Variants in FAM120B observed in about 807,000 individuals in gnomAD.
FAM120B encodes the protein constitutive coactivator of peroxisome proliferator-activated receptor gamma.
In FAM120B, 83 loss-of-function variants were observed where a neutral mutation model predicts 96.3. The observed-to-expected ratio is 0.86, with a 90% CI of 0.72 to 1.03. FAM120B has a LOEUF of 1.03. Ranked by LOEUF, FAM120B falls within the 50% of genes least tolerant of loss-of-function variation. The pLI is 0.00. For synonymous variants in FAM120B, 407 were observed against 402.7 expected (o/e 1.01, Z -0.13); for missense variants, 1,027 against 1,121.2 (o/e 0.92, Z 1.20).
At chr6:170,374,883 T>G (rs557350495) in intron 6 of FAM120B, among the ~76,000 whole-genome samples, 1 of 152,380 alleles carries the variant, frequency 6.6e-6, no homozygotes, top group East Asian at 1.9e-4. Flanking sequence ...GATGATAGTT[T>G]GGTGCCATCT....
chr6:170,356,974 A>G (rs1054356759), intron 5 of FAM120B, among the ~76,000 whole-genome samples: 7 of 152,190 alleles, frequency 4.6e-5, no homozygotes, highest in African/African-American at 1.7e-4. Flanking sequence ...AGGTCCAAGC[A>G]GCAGTCAGCA....
intron 1 of FAM120B, among the ~76,000 whole-genome samples, chr6:170,297,014 C>T (rs1039439709): frequency 7.9e-5 from 12 of 152,244 alleles, no homozygotes; most frequent in Non-Finnish European, 1.6e-4. Context: ...GTCAATCACC[C>T]ACGCTGGGCT....
chr6:170,309,313 T>C (rs962950135), intron 1 of FAM120B, among the ~76,000 whole-genome samples: 40 of 152,354 alleles, frequency 2.6e-4, no homozygotes, highest in African/African-American at 8.9e-4. Context: ...GTAGTAGTTT[T>C]AAATTTCCCT....
intron 6 of FAM120B, among the ~76,000 whole-genome samples, chr6:170,380,712 G>T (rs1173188612): frequency 6.6e-6 from 1 of 152,086 alleles, no homozygotes; most frequent in Non-Finnish European, 1.5e-5. Context: ...TTTTGCTGTC[G>T]AGTTGTGTGA....
At position 170,318,741 on chromosome 6, in the gene FAM120B, A is replaced by G. The variant is rs1463209217; in HGVS notation, c.1351A>G (p.Met451Val). ...CTCTGAACCCAGGCAAGAAGTTCCC[A>G]TGTATACAGGCTCTGAACCCAGGCA... ...TDSEPRQEVP[M>V]YTGSEPRQEV... The change falls in exon 2 of 11, where the codon ATG becomes GTG. Residue 451 changes from methionine to valine, a missense_variant. Met to Val is a conservative substitution (Grantham distance 21). Coordinates refer to ENST00000476287, the MANE Select transcript of FAM120B (RefSeq NM_032448.3). 6.3e-7 allele frequency: 1 copy of G among 1,593,804 alleles called. No homozygotes were observed. Among genetic ancestry groups the G allele is most frequent in the Admixed American group, 1.7e-5 (1 of 58,558 alleles).
At chr6:170,401,810 T>G (rs998520853) in intron 9 of FAM120B, among the ~76,000 whole-genome samples, 19 of 152,192 alleles carry the variant, frequency 1.2e-4, no homozygotes, top group African/African-American at 4.1e-4. Context: ...ATAATGCAGA[T>G]ATTCCAAAAT....
intron 8 of FAM120B, among the ~76,000 whole-genome samples, chr6:170,394,617 G>A (rs9460133): frequency 0.025 from 402 of 16,036 alleles, 79 homozygotes; most frequent in Middle Eastern, 0.05. Context: ...ATGCCAGCAC[G>A]AGGCCACGCC....
At chr6:170,316,224 T>A (rs1562517687) in intron 1 of FAM120B, among the ~76,000 whole-genome samples, 1 of 152,216 alleles carries the variant, frequency 6.6e-6, no homozygotes, top group Non-Finnish European at 1.5e-5. Flanking sequence ...GTTAAATGCC[T>A]ACCACTGTCT....
At chr6:170,364,880 G>A (rs1043090706) in intron 6 of FAM120B, among the ~76,000 whole-genome samples, 2 of 152,210 alleles carry the variant, frequency 1.3e-5, no homozygotes, top group Non-Finnish European at 2.9e-5. Context: ...AGATTGCAGT[G>A]GTGAGTGAGA....
chr6:170,358,369 C>G (rs571039714), intron 6 of FAM120B, 51 bp downstream of exon 6: 3 of 1,243,190 alleles, frequency 2.4e-6, no homozygotes, highest in East Asian at 4.9e-5. Flanking sequence ...GCTGTGCAGT[C>G]CAGCCTTCTC....
intron 9 of FAM120B, among the ~76,000 whole-genome samples, chr6:170,401,685 A>C (rs1192683814): frequency 6.6e-6 from 1 of 152,248 alleles, no homozygotes. Context: ...TCTGAGATCC[A>C]GAATGCTCCA....
rs1471947019 is a variant in FAM120B at position 170,404,843 on chromosome 6, G to C, written c.*92G>C. On this transcript the variant is annotated 3_prime_UTR_variant, in exon 11 of 11. Transcript: ENST00000476287. ...TCCTCTGCTGTTGCAGCTGCAAGGA[G>C]ACCATGCCTGTGGGAGCCAGGCCTC... 4.0e-6 allele frequency: 2 copies of C among 499,210 alleles called. No homozygotes were observed. The highest frequency in any genetic ancestry group is 7.1e-6 in the Non-Finnish European group (2 of 281,654). The allele number at this position is 499,210 out of a possible 1,614,324, so 30.9% of individuals were successfully genotyped here.
Position 170,317,590 on chromosome 6 carries a change from A to G in FAM120B, c.200A>G (p.Tyr67Cys). The change falls in exon 2 of 11, where the codon TAC (tyrosine) becomes TGC (cysteine). Residue 67 changes from tyrosine (Y) to cysteine (C), a missense_variant. Transcript: ENST00000476287. Reference protein sequence around the residue: ...SWICGGQWREYFSALRDFVKT... With the variant: ...SWICGGQWRECFSALRDFVKT... ...ATCTGCGGTGGCCAGTGGCGAGAAT[A>G]CTTTTCTGCTTTGCGAGATTTTGTT... The G allele has an allele frequency of 6.2e-7, 1 of 1,614,196 alleles. No homozygotes were observed. Among genetic ancestry groups the G allele is most frequent in the Non-Finnish European group, 8.5e-7 (1 of 1,180,036 alleles).
intron 4 of FAM120B, among the ~76,000 whole-genome samples, chr6:170,335,349 T>C (rs1786344247): frequency 6.6e-6 from 1 of 152,112 alleles, no homozygotes; most frequent in East Asian, 1.9e-4. Context: ...AGAATTATGG[T>C]TTCCAGCTTC....
intron 6 of FAM120B, among the ~76,000 whole-genome samples, chr6:170,365,998 C>T (rs1022572579): frequency 6.6e-6 from 1 of 152,130 alleles, no homozygotes; most frequent in African/African-American, 2.4e-5. Context: ...ACAATCATAA[C>T]AGCAGTGAGC....
intron 1 of FAM120B, among the ~76,000 whole-genome samples, chr6:170,296,657 C>T (rs2114975577): frequency 6.6e-6 from 1 of 152,066 alleles, no homozygotes; most frequent in East Asian, 1.9e-4. Context: ...CCGGGGCGCG[C>T]CCTTTGTGCG....
At chr6:170,320,664 T>C (rs1315485310) in intron 2 of FAM120B, among the ~76,000 whole-genome samples, 1 of 152,206 alleles carries the variant, frequency 6.6e-6, no homozygotes, top group African/African-American at 2.4e-5. Flanking sequence ...CTCTAACACA[T>C]GTTCTCGTAG....
intron 9 of FAM120B, among the ~76,000 whole-genome samples, chr6:170,398,528 G>A (rs1778335858): frequency 6.7e-6 from 1 of 149,542 alleles, no homozygotes; most frequent in Admixed American, 6.6e-5. Flanking sequence ...GTAGAACTAT[G>A]TCATAACTCT....
chr6:170,348,522 A>T (rs1221000229), intron 5 of FAM120B, among the ~76,000 whole-genome samples, 199 bp downstream of exon 5: 3 of 152,204 alleles, frequency 2.0e-5, no homozygotes, highest in African/African-American at 7.2e-5. Flanking sequence ...CTCTGTCACT[A>T]CCTCAGCTTT....
Sources: gnomAD v4.1 joint callset for allele counts (sites outside exome capture counted in the v4.1 genomes callset) on GRCh38, gnomAD v4.1.1 for gene constraint, MANE v1.5 for transcripts, NCBI Gene and HGNC (gene_info 2026-07-23, HGNC 2026-07-21) for gene names.